The following RGS6 variants were observed in gnomAD, a reference collection of about 807,000 sequenced individuals.
The protein encoded by RGS6 is regulator of G protein signaling 6.
A neutral mutation model predicts 78.5 loss-of-function variants in RGS6; 30 were observed. The observed-to-expected ratio is 0.38, with a 90% confidence interval of 0.29 to 0.52. The LOEUF (loss-of-function observed/expected upper bound fraction) is 0.52. Among genes scored for constraint, RGS6 ranks in the 20% least tolerant of loss-of-function variants. RGS6 has a pLI of 0.85. For synonymous variants in RGS6, 206 were observed against 206.0 expected (o/e 1.00, Z 0.00); for missense variants, 495 against 609.7 (o/e 0.81, Z 1.98).
At chr14:72,163,214 AT>A (rs2096877328) in intron 2 of RGS6, among the ~76,000 whole-genome samples, 1 of 152,224 alleles carries the variant, frequency 6.6e-6, no homozygotes, top group South Asian at 2.1e-4. Context: ...AAATTAAAAA[AT>A]AATAAAAATA....
intron 2 of RGS6, among the ~76,000 whole-genome samples, chr14:72,117,649 A>G (rs921230885): frequency 6.6e-6 from 1 of 152,204 alleles, no homozygotes; most frequent in Non-Finnish European, 1.5e-5. Context: ...GTAGGGAAGG[A>G]CAGCCACAAC....
At chr14:71,880,872 A>G in the RGS6 span, among the ~76,000 whole-genome samples, 1 of 152,192 alleles carries the variant, frequency 6.6e-6, no homozygotes, top group African/African-American at 2.4e-5. Context: ...CAGACCCCAG[A>G]ATGGTAGATC....
chr14:72,230,724 C>T (rs181985134), intron 2 of RGS6, among the ~76,000 whole-genome samples: 20 of 152,288 alleles, frequency 1.3e-4, no homozygotes, highest in African/African-American at 4.8e-4. Context: ...TTTCTTCTTC[C>T]TCGGGGAAAC....
intron 2 of RGS6, among the ~76,000 whole-genome samples, chr14:72,305,701 T>C (rs575277847): frequency 6.6e-6 from 1 of 152,344 alleles, no homozygotes; most frequent in African/African-American, 2.4e-5. Context: ...CTCTTCAGGC[T>C]TCTTTATTCC....
chr14:71,973,645 A>G (rs1233259324), intron 2 of RGS6, among the ~76,000 whole-genome samples: 1 of 152,260 alleles, frequency 6.6e-6, no homozygotes, highest in Non-Finnish European at 1.5e-5. Flanking sequence ...AGATGGTGCC[A>G]CCGCACTCCA....
At chr14:71,891,106 C>A in the RGS6 span, among the ~76,000 whole-genome samples, 10 of 152,150 alleles carry the variant, frequency 6.6e-5, no homozygotes, top group African/African-American at 2.4e-4. Flanking sequence ...GTTTCCCAGT[C>A]TAATTTTTTT....
chr14:72,080,141 C>T (rs1205492546), intron 2 of RGS6, among the ~76,000 whole-genome samples: 1 of 152,138 alleles, frequency 6.6e-6, no homozygotes, highest in Non-Finnish European at 1.5e-5. Context: ...TACTAATGTG[C>T]ATTTACATGA....
At chr14:72,310,535 C>A (rs2068342253) in intron 2 of RGS6, among the ~76,000 whole-genome samples, 1 of 152,140 alleles carries the variant, frequency 6.6e-6, no homozygotes, top group South Asian at 2.1e-4. Context: ...TGGGGAAAAG[C>A]GTTGGAAGAA....
At chr14:72,619,333 G>A in the RGS6 span, 1 of 1,536,128 alleles carries the variant, frequency 6.5e-7, no homozygotes, top group Non-Finnish European at 8.7e-7. Context: ...CTTTCTCTTT[G>A]AGCAGTTCCC....
intron 2 of RGS6, among the ~76,000 whole-genome samples, chr14:72,260,427 GT>G (rs2057937358): frequency 6.6e-6 from 1 of 152,236 alleles, no homozygotes; most frequent in Non-Finnish European, 1.5e-5. Flanking sequence ...TGGATATAGA[GT>G]GTTTAATAAA....
intron 1 of RGS6, among the ~76,000 whole-genome samples, chr14:71,953,979 T>TTTTTC (rs1242375637): frequency 6.8e-6 from 1 of 148,036 alleles, no homozygotes; most frequent in Non-Finnish European, 1.5e-5. Flanking sequence ...GTTTTTTTTT[T>TTTTTC]TTTTTTTTTC....
At chr14:71,914,834 G>C in the RGS6 span, among the ~76,000 whole-genome samples, 1 of 151,492 alleles carries the variant, frequency 6.6e-6, no homozygotes, top group East Asian at 1.9e-4. Flanking sequence ...GCTTATTTTT[G>C]TGCTCACAAA....
rs115383718 is a variant in RGS6 at position 72,146,505 on chromosome 14, A to G, written c.84+181630A>G. Among the ~76,000 whole-genome samples, 386 of 152,340 alleles carry G rather than the reference A, an allele frequency of 2.5e-3. 3 individuals are homozygous for G. Among genetic ancestry groups the G allele is most frequent in the African/African-American group, 9.1e-3 (378 of 41,582 alleles). ...CTCAAGGCATGATTCACCCTGAGGC[A>G]AATTCCCCTCCAGCTGTGAGCCTGT... is the stretch of plus-strand genomic sequence containing the variant. On this transcript the variant is annotated intron_variant, in intron 2 of 17. Coordinates refer to ENST00000553525, the MANE Select transcript of RGS6 (RefSeq NM_001204424.2).
In RGS6 at chr14:71,932,711, C is replaced by T. The variant is rs989370501; in HGVS notation, c.-251C>T. On this transcript the variant is annotated 5_prime_UTR_variant, in exon 1 of 18. Transcript: ENST00000553525. ...GCGCGTCCTCGCGGGCCCGGGGCTT[C>T]GCTCTTCGCTCGCTGAGCCCCTGCG... The T allele has an allele frequency of 2.6e-5, 4 of 152,236 alleles. No individual in the cohort carries two copies. Among genetic ancestry groups the T allele is most frequent in the African/African-American group, 9.6e-5 (4 of 41,462 alleles). 9.4% of individuals were successfully genotyped at this position (152,236 alleles called of 1,614,324 possible).
At chr14:72,216,934 A>C (rs956355303) in intron 2 of RGS6, among the ~76,000 whole-genome samples, 13 of 152,226 alleles carry the variant, frequency 8.5e-5, no homozygotes, top group Non-Finnish European at 1.3e-4. Flanking sequence ...ATATAGAAAT[A>C]ACTTTGACCT....
At chr14:72,083,640 G>A (rs1048027809) in intron 2 of RGS6, among the ~76,000 whole-genome samples, 2 of 152,044 alleles carry the variant, frequency 1.3e-5, no homozygotes, top group Non-Finnish European at 2.9e-5. Flanking sequence ...CGGATTTGTG[G>A]GTTTTAGGCT....
chr14:72,185,932 C>CA, intron 2 of RGS6, among the ~76,000 whole-genome samples: 1 of 152,182 alleles, frequency 6.6e-6, no homozygotes, highest in East Asian at 1.9e-4. Flanking sequence ...GACCCTGTCT[C>CA]AAAAAAAATT....
chr14:72,347,818 CCCCTTT>C (rs1303780236), intron 2 of RGS6, among the ~76,000 whole-genome samples: 1 of 152,116 alleles, frequency 6.6e-6, no homozygotes, highest in Non-Finnish European at 1.5e-5. Flanking sequence ...CAAAGAGTTA[CCCCTTT>C]TTAAGGTAAA....
the RGS6 span, among the ~76,000 whole-genome samples, chr14:72,603,789 G>A: frequency 1.3e-5 from 2 of 152,098 alleles, no homozygotes; most frequent in Admixed American, 6.5e-5. Flanking sequence ...GGGTGGTTGG[G>A]GTGGCATTCT....
Sources: gnomAD v4.1 joint callset for allele counts (sites outside exome capture counted in the v4.1 genomes callset) on GRCh38, gnomAD v4.1.1 for gene constraint, MANE v1.5 for transcripts, NCBI Gene and HGNC (gene_info 2026-07-23, HGNC 2026-07-21) for gene names.